Variants in ABCB7 observed in about 807,000 individuals in gnomAD.
ABCB7 encodes ATP binding cassette subfamily B member 7.
ABCB7 carries 7 observed loss-of-function variants against 54.4 expected under a neutral mutation model. The observed-to-expected ratio is 0.13, with a 90% CI of 0.07 to 0.24. The LOEUF (loss-of-function observed/expected upper bound fraction) is 0.24, where lower values mean the gene tolerates loss of function less well. Among genes scored for constraint, ABCB7 ranks in the 10% least tolerant of loss-of-function variants. The pLI is 1.00. For synonymous variants in ABCB7, 218 were observed against 207.1 expected, an observed-to-expected ratio of 1.05 and a Z score of -0.45; for missense variants, 356 against 570.4, an observed-to-expected ratio of 0.62 and a Z score of 3.83.
intron 1 of ABCB7, among the ~76,000 whole-genome samples, chrX:75,145,252 C>G (rs935878577): frequency 1.8e-5 from 2 of 111,336 alleles, no homozygotes; most frequent in African/African-American, 6.5e-5. Flanking sequence ...CATCCTCATA[C>G]CAAAACTTGG....
intron 3 of ABCB7, among the ~76,000 whole-genome samples, chrX:75,112,669 A>T (rs2081771195): frequency 8.9e-6 from 1 of 111,918 alleles, no homozygotes; most frequent in African/African-American, 3.2e-5. Context: ...ATTTAGGTGG[A>T]TAAATAACTT....
intron 1 of ABCB7, among the ~76,000 whole-genome samples, chrX:75,137,101 A>G (rs991316144): frequency 1.2e-4 from 13 of 112,274 alleles, no homozygotes; most frequent in African/African-American, 4.2e-4. Context: ...TAGACAACCT[A>G]CAGAATGGGG....
At chrX:75,062,209 G>T (rs1021184324) in intron 14 of ABCB7, 119 bp downstream of exon 14, 14 of 594,419 alleles carry the variant, frequency 2.4e-5, no homozygotes, top group Non-Finnish European at 3.3e-5. Flanking sequence ...TAGGCATTTT[G>T]CTCTATAGCA....
intron 4 of ABCB7, among the ~76,000 whole-genome samples, chrX:75,084,159 T>C (rs756037852): frequency 9.0e-6 from 1 of 111,594 alleles, no homozygotes; most frequent in East Asian, 2.8e-4. Context: ...GAAATAGATT[T>C]TCCTCAAGAG....
intron 1 of ABCB7, among the ~76,000 whole-genome samples, chrX:75,128,484 A>G (rs375813180): frequency 4.9e-4 from 55 of 112,258 alleles, no homozygotes; most frequent in Middle Eastern, 9.3e-3. Flanking sequence ...AAGACCTAAA[A>G]CCATGAAATC....
intron 1 of ABCB7, among the ~76,000 whole-genome samples, chrX:75,144,730 T>C (rs1207240608): frequency 9.1e-6 from 1 of 109,355 alleles, no homozygotes; most frequent in African/African-American, 3.3e-5. Flanking sequence ...AACCTAAGTA[T>C]AAATAGCTCT....
At chrX:75,142,994 C>T (rs1190339895) in intron 1 of ABCB7, among the ~76,000 whole-genome samples, 1 of 112,261 alleles carries the variant, frequency 8.9e-6, no homozygotes, top group Non-Finnish European at 1.9e-5. Flanking sequence ...TTTGATTTTA[C>T]TGTTTTTACA....
intron 12 of ABCB7, among the ~76,000 whole-genome samples, chrX:75,068,553 A>G (rs888307221): frequency 6.2e-5 from 7 of 112,533 alleles, no homozygotes; most frequent in Non-Finnish European, 1.3e-4. Context: ...TGTAATTATT[A>G]TAAATCTACT....
At chrX:75,138,863 C>T (rs1446382035) in intron 1 of ABCB7, among the ~76,000 whole-genome samples, 9 of 109,767 alleles carry the variant, frequency 8.2e-5, no homozygotes, top group Non-Finnish European at 1.9e-5. Flanking sequence ...AAAAAATTAG[C>T]TGGGCGTGGT....
intron 1 of ABCB7, among the ~76,000 whole-genome samples, chrX:75,152,015 G>A (rs191840769): frequency 9.8e-5 from 11 of 111,812 alleles, no homozygotes; most frequent in Admixed American, 2.8e-4. Context: ...ATTAAAAGCC[G>A]TGTTGAAATC....
At chrX:75,091,924 G>T (rs138268450) in intron 4 of ABCB7, among the ~76,000 whole-genome samples, 1,249 of 111,536 alleles carry the variant, frequency 0.011, 20 homozygotes, top group African/African-American at 0.039. Context: ...AGAAATCAAA[G>T]AAGCTAAATA....
intron 1 of ABCB7, among the ~76,000 whole-genome samples, chrX:75,123,269 T>C (rs1194655883): frequency 8.9e-6 from 1 of 111,777 alleles, no homozygotes; most frequent in Non-Finnish European, 1.9e-5. Context: ...TTTCCCAACA[T>C]GATTTATTGA....
chrX:75,101,788 C>T (rs536832728), intron 3 of ABCB7, among the ~76,000 whole-genome samples: 2 of 111,644 alleles, frequency 1.8e-5, no homozygotes, highest in South Asian at 7.5e-4. Context: ...CCTTCTACAA[C>T]ACATCCCAGA....
intron 3 of ABCB7, among the ~76,000 whole-genome samples, chrX:75,104,549 T>C (rs1487642096): frequency 3.6e-5 from 4 of 109,943 alleles, no homozygotes; most frequent in Non-Finnish European, 7.6e-5. Flanking sequence ...GAATCAGTAA[T>C]AAAAAACCTC....
chrX:75,156,237 C>T lies in ABCB7; in HGVS notation c.36G>A (p.Ala12=). 1 of 1,205,393 alleles carries T rather than the reference C, an allele frequency of 8.3e-7. No individual in the cohort carries two copies. The highest frequency in any genetic ancestry group is 1.1e-6 in the Non-Finnish European group (1 of 892,570). ...ALLAMHSWRW[A]AAAAAFEKRR... is the part of the protein sequence containing the mutation. ...GCTTTTCGAAAGCAGCCGCCGCGGC[C>T]GCCCAGCGCCAAGAATGCATCGCGA... Residue 12 remains alanine (A), a synonymous_variant, in exon 1 of 16, where the codon GCG becomes GCA. Coordinates refer to ENST00000373394, the MANE Select transcript of ABCB7 (RefSeq NM_001271696.3).
At position 75,111,069 on chromosome X, in the gene ABCB7, G is replaced by C. The variant is rs368930669; in HGVS notation, c.333+1817C>G. On this transcript the variant is annotated intron_variant, in intron 3 of 15. Transcript: ENST00000373394. The stretch of plus-strand genomic sequence containing the variant: ...GGCCCAGGAGTTCGAGAGCAGCTTG[G>C]GCAACACAGAGAGATCCCTTCTCTA... 1.1e-4 allele frequency among the ~76,000 whole-genome samples: 12 copies of C among 111,200 alleles called. No homozygotes were observed. The East Asian group carries it at 3.4e-3, about 32-fold the overall frequency.
intron 13 of ABCB7, among the ~76,000 whole-genome samples, chrX:75,064,103 G>A (rs916849255): frequency 4.5e-5 from 5 of 111,526 alleles, no homozygotes; most frequent in Middle Eastern, 4.6e-3. Flanking sequence ...TATACTACCA[G>A]GTAATGACCC....
intron 13 of ABCB7, 74 bp downstream of exon 13, chrX:75,064,996 T>TA: frequency 1.8e-6 from 2 of 1,130,277 alleles, no homozygotes; most frequent in South Asian, 1.9e-5. Flanking sequence ...TTACATTTTC[T>TA]AAAAAATGGC....
At chrX:75,133,167 C>A (rs1015387347) in intron 1 of ABCB7, among the ~76,000 whole-genome samples, 1 of 112,052 alleles carries the variant, frequency 8.9e-6, no homozygotes, top group Admixed American at 9.5e-5. Context: ...CTGAAAAATT[C>A]TCTACAAGAT....
Sources: allele counts gnomAD v4.1 joint callset (sites outside exome capture counted in the v4.1 genomes callset), GRCh38; gene constraint gnomAD v4.1.1; transcripts MANE v1.5; gene names NCBI Gene and HGNC (gene_info 2026-07-23, HGNC 2026-07-21).